The following FHOD3 variants were observed in gnomAD, a reference collection of about 807,000 sequenced individuals.
The protein encoded by FHOD3 is formin homology 2 domain containing 3.
Under a neutral mutation model 173.0 loss-of-function variants are expected in FHOD3, and 90 were observed. That is an observed-to-expected ratio of 0.52 (90% CI 0.44 to 0.62). The LOEUF (loss-of-function observed/expected upper bound fraction) is 0.62, where lower values mean the gene tolerates loss of function less well. Among genes scored for constraint, FHOD3 ranks in the 20% least tolerant of loss-of-function variants. The pLI is 0.00. For synonymous variants in FHOD3, 828 were observed against 823.0 expected, an observed-to-expected ratio of 1.01 and a Z score of -0.10; for missense variants, 1,945 against 2,034.7, an observed-to-expected ratio of 0.96 and a Z score of 0.85.
chr18:36,336,762 T>C (rs1313017032), intron 1 of FHOD3, among the ~76,000 whole-genome samples: 1 of 146,400 alleles, frequency 6.8e-6, no homozygotes, highest in Non-Finnish European at 1.5e-5. Context: ...GGCAGGAGAA[T>C]TGCTTGAACC....
intron 24 of FHOD3, among the ~76,000 whole-genome samples, chr18:36,749,672 A>G (rs935499130): frequency 1.3e-5 from 2 of 152,138 alleles, no homozygotes; most frequent in Non-Finnish European, 2.9e-5. Context: ...AGAATGATTT[A>G]TATTCCTCTT....
At chr18:36,314,509 C>T (rs753849823) in intron 1 of FHOD3, among the ~76,000 whole-genome samples, 1 of 152,188 alleles carries the variant, frequency 6.6e-6, no homozygotes, top group Non-Finnish European at 1.5e-5. Flanking sequence ...TTCTCTGTCA[C>T]ATCAGAGAAT....
At chr18:36,562,333 A>T (rs947584248) in intron 5 of FHOD3, among the ~76,000 whole-genome samples, 1 of 152,192 alleles carries the variant, frequency 6.6e-6, no homozygotes, top group Non-Finnish European at 1.5e-5. Context: ...ACTACACTGG[A>T]TCTTCATTTT....
intron 20 of FHOD3, among the ~76,000 whole-genome samples, chr18:36,734,863 G>T (rs1320119040): frequency 1.3e-5 from 2 of 152,150 alleles, no homozygotes; most frequent in East Asian, 3.8e-4. Flanking sequence ...GTACCTAAAT[G>T]TAATTAGAAT....
chr18:36,623,388 A>T (rs1004079715), intron 9 of FHOD3, among the ~76,000 whole-genome samples: 2 of 152,266 alleles, frequency 1.3e-5, no homozygotes, highest in African/African-American at 4.8e-5. Context: ...AATGGTCTAG[A>T]ATTTTTATTT....
intron 18 of FHOD3, chr18:36,711,547 G>C (rs1271295510): frequency 1.3e-5 from 2 of 152,196 alleles, no homozygotes; most frequent in African/African-American, 4.8e-5. Flanking sequence ...TATTCATCGT[G>C]AGTCCTCACT....
intron 14 of FHOD3, among the ~76,000 whole-genome samples, 173 bp from the exon 15 acceptor site, chr18:36,681,263 C>T (rs2038219910): frequency 6.6e-6 from 1 of 152,168 alleles, no homozygotes; most frequent in Admixed American, 6.5e-5. Context: ...TACTTTTCCC[C>T]AATTTACAGA....
At chr18:36,625,845 T>C (rs1386357630) in intron 10 of FHOD3, 96 bp downstream of exon 10, 2 of 1,060,788 alleles carry the variant, frequency 1.9e-6, no homozygotes, top group Non-Finnish European at 2.7e-6. Context: ...CTGGCCACTT[T>C]GTCCCCCACC....
intron 3 of FHOD3, among the ~76,000 whole-genome samples, chr18:36,490,267 C>T (rs2054398945): frequency 1.3e-5 from 2 of 152,116 alleles, no homozygotes; most frequent in Admixed American, 1.3e-4. Context: ...TTTGCTTCCA[C>T]AAAGGGACAA....
At chr18:36,513,537 G>T (rs1357535325) in intron 5 of FHOD3, among the ~76,000 whole-genome samples, 1 of 152,022 alleles carries the variant, frequency 6.6e-6, no homozygotes, top group African/African-American at 2.4e-5. Flanking sequence ...TTTCTTCTTG[G>T]GTGAAGGAAG....
intron 14 of FHOD3, among the ~76,000 whole-genome samples, chr18:36,673,644 C>T (rs2037672720): frequency 6.6e-6 from 1 of 152,086 alleles, no homozygotes; most frequent in South Asian, 2.1e-4. Context: ...GGGATCTGGA[C>T]AGGGGTTCCT....
At chr18:36,413,365 A>G (rs2049457863) in intron 3 of FHOD3, among the ~76,000 whole-genome samples, 1 of 152,176 alleles carries the variant, frequency 6.6e-6, no homozygotes, top group African/African-American at 2.4e-5. Context: ...CAGAGGTTTA[A>G]TATTTCCTCT....
At chr18:36,604,438 C>T (rs2031826468) in intron 8 of FHOD3, among the ~76,000 whole-genome samples, 1 of 152,230 alleles carries the variant, frequency 6.6e-6, no homozygotes, top group Admixed American at 6.5e-5. Context: ...GTGGCCCCTT[C>T]CTCAGCAGAC....
intron 10 of FHOD3, among the ~76,000 whole-genome samples, chr18:36,639,486 C>T (rs1208343667): frequency 6.6e-6 from 1 of 152,124 alleles, no homozygotes; most frequent in East Asian, 1.9e-4. Flanking sequence ...TGGTGAAACC[C>T]CGTCTCTACT....
intron 1 of FHOD3, among the ~76,000 whole-genome samples, chr18:36,338,986 G>A (rs1280201969): frequency 6.6e-6 from 1 of 152,078 alleles, no homozygotes; most frequent in African/African-American, 2.4e-5. Flanking sequence ...TTCTGCTCTT[G>A]GTTTTCAGCC....
At chr18:36,696,963 T>C (rs2039320186) in intron 17 of FHOD3, among the ~76,000 whole-genome samples, 1 of 152,248 alleles carries the variant, frequency 6.6e-6, no homozygotes, top group African/African-American at 2.4e-5. Flanking sequence ...TTAGTAAGTT[T>C]ATTTCCTATT....
intron 6 of FHOD3, among the ~76,000 whole-genome samples, chr18:36,593,572 C>T (rs1316656930): frequency 6.6e-6 from 1 of 152,264 alleles, no homozygotes; most frequent in South Asian, 2.1e-4. Context: ...TACCCATGTC[C>T]CCTAACACTG....
At chr18:36,589,259 G>T (rs2059133949) in intron 6 of FHOD3, among the ~76,000 whole-genome samples, 1 of 152,154 alleles carries the variant, frequency 6.6e-6, no homozygotes, top group Non-Finnish European at 1.5e-5. Context: ...GCATGCTTTA[G>T]AACAACATAA....
At chr18:36,467,865 G>T (rs913858638) in intron 3 of FHOD3, among the ~76,000 whole-genome samples, 11 of 152,350 alleles carry the variant, frequency 7.2e-5, no homozygotes, top group African/African-American at 2.6e-4. Context: ...GTGGCTCCAG[G>T]CGTTCTGCGG....
Sources: allele counts gnomAD v4.1 joint callset (sites outside exome capture counted in the v4.1 genomes callset), GRCh38; gene constraint gnomAD v4.1.1; transcripts MANE v1.5; gene names NCBI Gene and HGNC (gene_info 2026-07-23, HGNC 2026-07-21).